Variants in RPS6KA2 observed in about 807,000 individuals in gnomAD.
RPS6KA2 encodes the protein ribosomal protein S6 kinase alpha-2.
A neutral mutation model predicts 91.8 loss-of-function variants in RPS6KA2; 42 were observed. That is an observed-to-expected ratio of 0.46 (90% CI 0.36 to 0.59). The LOEUF (loss-of-function observed/expected upper bound fraction) is 0.59. Among genes scored for constraint, RPS6KA2 ranks in the 20% least tolerant of loss-of-function variants. The probability of loss-of-function intolerance (pLI) is 0.00; values close to 1 mark genes in which losing one functional copy is unlikely to be tolerated. For missense variants in RPS6KA2, 798 were observed against 978.5 expected, an observed-to-expected ratio of 0.82 and a Z score of 2.46; for synonymous variants, 414 against 393.6, an observed-to-expected ratio of 1.05 and a Z score of -0.61.
intron 19 of RPS6KA2, 24 bp from the exon 20 acceptor site, chr6:166,413,955 C>CG (rs966449971): frequency 9.3e-6 from 15 of 1,607,782 alleles, no homozygotes; most frequent in African/African-American, 4.0e-5. Context: ...TCATGAGAGT[C>CG]GGGGGGATGG....
chr6:166,501,063 C>T, intron 6 of RPS6KA2, 139 bp from the exon 7 acceptor site: 1 of 700,854 alleles, frequency 1.4e-6, no homozygotes, highest in South Asian at 1.7e-5. Context: ...CCCAGGAGAT[C>T]CCCACGGCTT....
chr6:166,438,259 T>C (rs1468523616), intron 14 of RPS6KA2, among the ~76,000 whole-genome samples: 2 of 152,254 alleles, frequency 1.3e-5, no homozygotes, highest in Non-Finnish European at 2.9e-5. Context: ...GCCGAACATC[T>C]GTCTTAATTC....
intron 1 of RPS6KA2, among the ~76,000 whole-genome samples, chr6:166,861,097 A>G (rs4710125): frequency 0.78 from 118,241 of 152,214 alleles, 50,417 homozygotes; most frequent in East Asian, 0.96. Flanking sequence ...GCTTTCCAAG[A>G]AAACTATTCA....
chr6:166,598,327 G>A (rs1209541193), intron 1 of RPS6KA2, among the ~76,000 whole-genome samples: 1 of 152,158 alleles, frequency 6.6e-6, no homozygotes, highest in African/African-American at 2.4e-5. Flanking sequence ...AAAAGGCAAT[G>A]GGGGCAGACA....
intron 1 of RPS6KA2, among the ~76,000 whole-genome samples, chr6:166,599,236 G>A (rs899551449): frequency 3.3e-5 from 5 of 152,198 alleles, no homozygotes; most frequent in African/African-American, 9.7e-5. Context: ...GCTTGACAAC[G>A]TCTTAGGGAG....
chr6:166,647,698 C>CT (rs1787652584), intron 2 of RPS6KA2, among the ~76,000 whole-genome samples: 1 of 152,180 alleles, frequency 6.6e-6, no homozygotes, highest in African/African-American at 2.4e-5. Context: ...TCCTTTGAAA[C>CT]TTTTAAGTTT....
intron 2 of RPS6KA2, among the ~76,000 whole-genome samples, chr6:166,839,694 GGAGGAGAGGAGAGGA>G (rs752856342): frequency 1.6e-4 from 1 of 6,256 alleles, no homozygotes; most frequent in African/African-American, 5.5e-4. Context: ...AGAGGAGAGG[GGAGGAGAGGAGAGGA>G]GAGGAGAGGC....
chr6:166,460,887 G>A (rs573445267), intron 11 of RPS6KA2: 1 of 152,380 alleles, frequency 6.6e-6, no homozygotes, highest in Non-Finnish European at 1.5e-5. Flanking sequence ...CTACATCTCT[G>A]GAAAGCAAAT....
In RPS6KA2 at chr6:166,423,263, G is replaced by A. The variant is rs1242873180; in HGVS notation, c.1736C>T (p.Ala579Val). 6.2e-7 allele frequency: 1 copy of A among 1,611,214 alleles called. No individual in the cohort carries two copies. The highest frequency in any genetic ancestry group is 1.1e-5 in the South Asian group (1 of 90,996). The change falls in exon 17 of 21, where the codon GCC (alanine) becomes GTC (valine). Residue 579 changes from alanine (A) to valine (V), a missense_variant. By Grantham distance (64) the Ala-to-Val change is moderately conservative. Coordinates refer to ENST00000265678, the MANE Select transcript of RPS6KA2 (RefSeq NM_021135.6). This position sits in a 1 kb window ranked among gnomAD's most constrained non-coding sequence, Gnocchi z 4.8. ...CAGTCGGGGAATGCTCACCTCCGGG[G>A]CCACGAAATTGGCCGTGTAGCAGGG... Reference protein sequence around the residue: ...MTPCYTANFVAPEVLKRQGYD... With the variant: ...MTPCYTANFVVPEVLKRQGYD...
At chr6:166,828,131 C>G (rs957788035) in intron 2 of RPS6KA2, among the ~76,000 whole-genome samples, 2 of 151,944 alleles carry the variant, frequency 1.3e-5, no homozygotes, top group Non-Finnish European at 2.9e-5. Context: ...AATTACACCT[C>G]AGGGTCAGCA....
intron 1 of RPS6KA2, among the ~76,000 whole-genome samples, chr6:166,619,210 G>A (rs1174293304): frequency 1.3e-5 from 2 of 152,214 alleles, no homozygotes; most frequent in African/African-American, 4.8e-5. Flanking sequence ...ATAAGAGACA[G>A]ACCCAACCTC....
At chr6:166,841,395 C>T (rs555189133) in intron 2 of RPS6KA2, among the ~76,000 whole-genome samples, 9 of 152,386 alleles carry the variant, frequency 5.9e-5, no homozygotes, top group South Asian at 2.1e-4. Flanking sequence ...AGGCAAAGTG[C>T]GTGCTGCACC....
At chr6:166,492,452 T>C (rs1781624819) in intron 8 of RPS6KA2, among the ~76,000 whole-genome samples, 4 of 152,196 alleles carry the variant, frequency 2.6e-5, no homozygotes, top group Admixed American at 2.6e-4. Flanking sequence ...CACTGAAATA[T>C]CTCTCAGAAT....
chr6:166,677,209 G>A (rs1487663949), intron 2 of RPS6KA2, among the ~76,000 whole-genome samples: 1 of 152,172 alleles, frequency 6.6e-6, no homozygotes, highest in Non-Finnish European at 1.5e-5. Flanking sequence ...AAGACGGAAC[G>A]GAAGGACATG....
chr6:166,780,611 G>A (rs1005168778), intron 2 of RPS6KA2, among the ~76,000 whole-genome samples: 1 of 152,168 alleles, frequency 6.6e-6, no homozygotes, highest in African/African-American at 2.4e-5. Flanking sequence ...CAGAGGAGCT[G>A]GAGAACCAGG....
intron 15 of RPS6KA2, 36 bp from the exon 16 acceptor site, chr6:166,430,647 G>A: frequency 6.3e-7 from 1 of 1,582,338 alleles, no homozygotes; most frequent in South Asian, 1.1e-5. Flanking sequence ...CGTCACCACG[G>A]CTGGTTGCTG....
At chr6:166,708,201 C>T (rs942007398) in intron 2 of RPS6KA2, among the ~76,000 whole-genome samples, 2 of 152,030 alleles carry the variant, frequency 1.3e-5, no homozygotes, top group African/African-American at 2.4e-5. Context: ...ATATTTTTGT[C>T]ACTATGTATT....
At chr6:166,689,519 G>A (rs7745003) in intron 2 of RPS6KA2, among the ~76,000 whole-genome samples, 264 of 152,286 alleles carry the variant, frequency 1.7e-3, no homozygotes, top group African/African-American at 6.1e-3. Context: ...GGCCAGTTCC[G>A]ATTTTTAGAA....
At chr6:166,722,332 T>C (rs1246788696) in intron 2 of RPS6KA2, among the ~76,000 whole-genome samples, 1 of 152,194 alleles carries the variant, frequency 6.6e-6, no homozygotes, top group African/African-American at 2.4e-5. Context: ...AAAAGCGTTT[T>C]GTAAGGCGGG....
Sources: allele counts gnomAD v4.1 joint callset (sites outside exome capture counted in the v4.1 genomes callset), GRCh38; gene constraint gnomAD v4.1.1; non-coding constraint Gnocchi (gnomAD v3.1); transcripts MANE v1.5; gene names NCBI Gene and HGNC (gene_info 2026-07-23, HGNC 2026-07-21).